LSAMP: variants seen among roughly 807,000 people sequenced by gnomAD.
The protein encoded by LSAMP is limbic system associated membrane protein.
A neutral mutation model predicts 38.6 loss-of-function variants in LSAMP; 7 were observed. The ratio of observed to expected loss-of-function variants is 0.18; its 90% CI spans 0.10 to 0.34. The LOEUF is 0.34. LSAMP is among the 10% of genes least tolerant of loss of function. LSAMP has a pLI of 1.00. For synonymous variants in LSAMP, 154 were observed against 166.8 expected, an observed-to-expected ratio of 0.92 and a Z score of 0.59; for missense variants, 313 against 420.0, an observed-to-expected ratio of 0.75 and a Z score of 2.23.
chr3:116,151,129 A>G (rs1183311928), intron 1 of LSAMP, among the ~76,000 whole-genome samples: 1 of 152,060 alleles, frequency 6.6e-6, no homozygotes, highest in Non-Finnish European at 1.5e-5. Context: ...TCTTATATTA[A>G]GCAAAGATAA....
Position 116,209,918 on chromosome 3 carries a change from A to T in LSAMP, c.156-123362T>A, listed in dbSNP as rs571796406. Among the ~76,000 whole-genome samples, 39 of 150,916 alleles carry T rather than the reference A, an allele frequency of 2.6e-4. No individual in the cohort carries two copies. In the South Asian group the frequency reaches 4.0e-3, roughly 15 times the overall value. ...GGCATCCGCCACCTCGCCCGGCAAA[A>T]TTTTTTTTTGTATATTTAGTAGAGA... On this transcript the variant is annotated intron_variant, in intron 1 of 6. Coordinates refer to ENST00000490035, the MANE Select transcript of LSAMP (RefSeq NM_002338.5).
At chr3:116,443,449 G>A (rs1024277582) in intron 1 of LSAMP, among the ~76,000 whole-genome samples, 19 of 152,010 alleles carry the variant, frequency 1.2e-4, no homozygotes, top group African/African-American at 4.6e-4. Flanking sequence ...TTACAATCTG[G>A]AGAAACACAT....
intron 1 of LSAMP, chr3:116,370,100 A>AT (rs1261766770): frequency 6.6e-6 from 1 of 152,368 alleles, no homozygotes; most frequent in Non-Finnish European, 1.5e-5. Flanking sequence ...ACATACTGTT[A>AT]TTTTTAGTAT....
At chr3:116,163,379 T>A (rs1036560738) in intron 1 of LSAMP, among the ~76,000 whole-genome samples, 3 of 151,832 alleles carry the variant, frequency 2.0e-5, no homozygotes, top group Non-Finnish European at 4.4e-5. Context: ...TCCAGCTTCA[T>A]CCAAGTCCCT....
At chr3:115,987,731 T>C (rs1939551590) in intron 3 of LSAMP, among the ~76,000 whole-genome samples, 2 of 152,172 alleles carry the variant, frequency 1.3e-5, no homozygotes, top group Admixed American at 1.3e-4. Context: ...TAGGACTTAT[T>C]GTATATACTG....
chr3:116,072,706 G>A (rs139546785), intron 2 of LSAMP, among the ~76,000 whole-genome samples: 2 of 144,270 alleles, frequency 1.4e-5, no homozygotes, highest in African/African-American at 5.1e-5. Context: ...CTTTTGAGAA[G>A]TATCTGTTAT....
intron 1 of LSAMP, among the ~76,000 whole-genome samples, chr3:116,326,194 C>T (rs2047770140): frequency 6.6e-6 from 1 of 151,968 alleles, no homozygotes. Context: ...TGACCATGTT[C>T]CAGTGGAGTG....
At chr3:115,840,844 C>A (rs1470928163) in intron 6 of LSAMP, among the ~76,000 whole-genome samples, 1 of 151,374 alleles carries the variant, frequency 6.6e-6, no homozygotes, top group East Asian at 1.9e-4. Flanking sequence ...AAAAAAAAAA[C>A]TTAGTGGTTT....
chr3:116,332,706 G>A (rs1002177044), intron 1 of LSAMP, among the ~76,000 whole-genome samples: 2 of 152,000 alleles, frequency 1.3e-5, no homozygotes, highest in East Asian at 3.9e-4. Context: ...TTAGTAGAAT[G>A]CATAAAAATA....
intron 1 of LSAMP, among the ~76,000 whole-genome samples, chr3:116,300,816 T>C (rs1435783657): frequency 6.6e-6 from 1 of 152,114 alleles, no homozygotes; most frequent in African/African-American, 2.4e-5. Context: ...CAATGATCTG[T>C]CAAGTCTCTT....
At chr3:115,952,331 C>T (rs779098710) in intron 3 of LSAMP, among the ~76,000 whole-genome samples, 1 of 152,078 alleles carries the variant, frequency 6.6e-6, no homozygotes, top group Non-Finnish European at 1.5e-5. Context: ...GCCCATCAAC[C>T]AATGAGTGGA....
chr3:116,041,796 CAAAAA>C (rs148805855), intron 2 of LSAMP, among the ~76,000 whole-genome samples: 1 of 57,080 alleles, frequency 1.8e-5, no homozygotes, highest in East Asian at 5.8e-4. Flanking sequence ...TGAAAGCATG[CAAAAA>C]AAAACAAAAC....
At chr3:116,061,117 G>A (rs1941586940) in intron 2 of LSAMP, among the ~76,000 whole-genome samples, 1 of 151,936 alleles carries the variant, frequency 6.6e-6, no homozygotes, top group African/African-American at 2.4e-5. Flanking sequence ...TCATTTAGTA[G>A]CACCTGTTCA....
intron 6 of LSAMP, among the ~76,000 whole-genome samples, chr3:115,827,034 A>G (rs1386909543): frequency 6.6e-6 from 1 of 151,152 alleles, no homozygotes; most frequent in African/African-American, 2.4e-5. Flanking sequence ...CTGGAACTTC[A>G]AGGGAGAAAA....
intron 1 of LSAMP, among the ~76,000 whole-genome samples, chr3:116,368,931 G>T (rs1266953260): frequency 1.3e-5 from 2 of 152,082 alleles, no homozygotes; most frequent in Non-Finnish European, 1.5e-5. Context: ...GGAAAAGAAA[G>T]TTTATTTTTG....
chr3:116,014,774 C>CGGAT (rs1411518252), intron 3 of LSAMP, among the ~76,000 whole-genome samples: 1 of 152,064 alleles, frequency 6.6e-6, no homozygotes, highest in Non-Finnish European at 1.5e-5. Context: ...CTTGAAGGAC[C>CGGAT]GGATGTTACT....
intron 6 of LSAMP, among the ~76,000 whole-genome samples, chr3:115,816,174 C>T (rs990139689): frequency 2.0e-5 from 3 of 152,144 alleles, no homozygotes; most frequent in Admixed American, 1.3e-4. Flanking sequence ...CTTGTAAAGA[C>T]AGCACCTCAG....
chr3:116,392,012 C>T (rs561828309), intron 1 of LSAMP, among the ~76,000 whole-genome samples: 1 of 152,190 alleles, frequency 6.6e-6, no homozygotes, highest in Non-Finnish European at 1.5e-5. Flanking sequence ...GGCCATGAGC[C>T]TGGTGATGGG....
chr3:115,977,301 A>G (rs1939217754), intron 3 of LSAMP, among the ~76,000 whole-genome samples: 2 of 152,208 alleles, frequency 1.3e-5, no homozygotes, highest in South Asian at 4.1e-4. Flanking sequence ...GTTTTCTGTC[A>G]TCATAGGTTT....
Sources: gnomAD v4.1 joint callset for allele counts (sites outside exome capture counted in the v4.1 genomes callset) on GRCh38, gnomAD v4.1.1 for gene constraint, MANE v1.5 for transcripts, NCBI Gene and HGNC (gene_info 2026-07-23, HGNC 2026-07-21) for gene names.